The following CELSR1 variants were observed in gnomAD, a reference collection of about 807,000 sequenced individuals.
The protein encoded by CELSR1 is adhesion G protein-coupled receptor C1.
CELSR1 carries 110 observed loss-of-function variants against 249.1 expected under a neutral mutation model. The observed-to-expected ratio is 0.44, with a 90% confidence interval of 0.38 to 0.52. The LOEUF is 0.52. CELSR1 is among the 20% of genes least tolerant of loss of function. The probability of loss-of-function intolerance (pLI) is 0.00; values close to 1 mark genes in which losing one functional copy is unlikely to be tolerated. For missense variants in CELSR1, 4,109 were observed against 4,296.4 expected (o/e 0.96, Z 1.22); for synonymous variants, 2,113 against 1,900.0 (o/e 1.11, Z -2.92).
intron 31 of CELSR1, 46 bp from the exon 32 acceptor site, chr22:46,365,426 G>A (rs1261638293): frequency 1.2e-6 from 2 of 1,603,902 alleles, no homozygotes; most frequent in African/African-American, 1.3e-5. Flanking sequence ...TGGGAGGTGA[G>A]GGAGTCCCAC....
At position 46,409,505 on chromosome 22, in the gene CELSR1, G is replaced by A. The variant is rs955221572; in HGVS notation, c.5059+250C>T. Among the ~76,000 whole-genome samples, 4 of 152,274 alleles carry A rather than the reference G, an allele frequency of 2.6e-5. No homozygotes were observed. Among genetic ancestry groups the A allele is most frequent in the Non-Finnish European group, 5.9e-5 (4 of 68,006 alleles). ...CTCCGTGGCTGGGGTGCTGGGGCTG[G>A]GCTCTGCCGGCCCAGCCTACCTGTC... On this transcript the variant is annotated intron_variant, in intron 8 of 34. Coordinates refer to ENST00000674500, the MANE Select transcript of CELSR1 (RefSeq NM_001378328.1). The surrounding 1 kb of genome is among the most constrained non-coding windows in gnomAD (Gnocchi z 9.8).
At position 46,410,272 on chromosome 22, in the gene CELSR1, T is replaced by C; in HGVS notation, c.4933+126A>G. 1 of 1,229,180 alleles carries C rather than the reference T, an allele frequency of 8.1e-7. No individual in the cohort carries two copies. The allele number at this position is 1,229,180 out of a possible 1,614,324, so 76.1% of individuals were successfully genotyped here. A position where few individuals can be genotyped will look rare whatever the true frequency, so the allele number is the denominator to read the frequency against. On this transcript the variant is annotated intron_variant, in intron 7 of 34. Transcript: ENST00000674500. The surrounding 1 kb of genome is among the most constrained non-coding windows in gnomAD (Gnocchi z 6.8). ...TTCCATCCCAGGAGCTGCCCACCGC[T>C]GGACACATACATTTCTAAGAAAAAC...
intron 1 of CELSR1, among the ~76,000 whole-genome samples, chr22:46,513,790 TTTG>T (rs373002421): frequency 1.3e-5 from 2 of 152,028 alleles, no homozygotes; most frequent in Non-Finnish European, 2.9e-5. Flanking sequence ...ATTAATACTT[TTTG>T]TTGTTGTTGT....
At chr22:46,365,549 C>A (rs2078759573) in intron 31 of CELSR1, 37 bp downstream of exon 31, 3 of 1,556,144 alleles carry the variant, frequency 1.9e-6, no homozygotes, top group African/African-American at 1.4e-5. Context: ...GTGGGAAAAA[C>A]AACCCACGGG....
At chr22:46,463,170 A>T (rs2080051729) in intron 2 of CELSR1, among the ~76,000 whole-genome samples, 1 of 152,210 alleles carries the variant, frequency 6.6e-6, no homozygotes, top group Admixed American at 6.5e-5. Flanking sequence ...TCGGGCAGGG[A>T]AAGTGAGTAA....
chr22:46,430,047 G>A lies in CELSR1; in HGVS notation c.4611+3346C>T, dbSNP rs2079576291. On this transcript the variant is annotated intron_variant, in intron 5 of 34. Transcript: ENST00000674500. This position sits in a 1 kb window ranked among gnomAD's most constrained non-coding sequence, Gnocchi z 4.6. ...CCCAGGCCCTGTACACTGGTGGGTG[G>A]GGGAAGGGTCCCCGCAGGTTGCACG... is the stretch of plus-strand genomic sequence containing the variant. 6.6e-6 allele frequency among the ~76,000 whole-genome samples: 1 copy of A among 152,210 alleles called. No homozygotes were observed. The highest frequency in any genetic ancestry group is 1.5e-5 in the Non-Finnish European group (1 of 68,036).
Position 46,532,332 on chromosome 22 carries a change from T to G in CELSR1, c.3544+1295A>C, listed in dbSNP as rs566598435. Reference sequence around the variant, plus strand: ...CCTTAAGGGCCTATTCCATATTCTCTACACGTTTACAATCTCACAAACCTA... The same window carrying G: ...CCTTAAGGGCCTATTCCATATTCTCGACACGTTTACAATCTCACAAACCTA... On this transcript the variant is annotated intron_variant, in intron 1 of 34. Transcript: ENST00000674500. Among the ~76,000 whole-genome samples, 76 of 152,374 alleles carry G rather than the reference T, an allele frequency of 5.0e-4. No homozygotes were observed. The South Asian group carries it at 0.011, about 23-fold the overall frequency.
Position 46,536,653 on chromosome 22 carries a change from A to G in CELSR1, c.518T>C (p.Leu173Pro). The G allele has an allele frequency of 1.7e-5, 20 of 1,163,748 alleles. No individual in the cohort carries two copies. The highest frequency in any genetic ancestry group is 4.9e-5 in the African/African-American group (3 of 61,386). The allele number at this position is 1,163,748 out of a possible 1,614,324, so 72.1% of individuals were successfully genotyped here. A position where few individuals can be genotyped will look rare whatever the true frequency, so the allele number is the denominator to read the frequency against. Residue 173 changes from leucine (L) to proline (P), a missense_variant, in exon 1 of 35, where the codon CTG becomes CCG. By Grantham distance (98) the Leu-to-Pro change is moderately conservative. This residue lies in a region of CELSR1 where 673 missense variants were observed against 636.8 expected (regional missense o/e 1.06). Transcript: ENST00000674500. ...CAGGCGGACCGAGCCGCCCGGCGGC[A>G]GGCAGATGGGACGGCCGGGACAGCG... ...RPRCPGRPIC[L>P]PPGGSVRLRL...
intron 19 of CELSR1, among the ~76,000 whole-genome samples, chr22:46,384,998 G>T (rs2079017610): frequency 6.6e-6 from 1 of 151,978 alleles, no homozygotes; most frequent in African/African-American, 2.4e-5. Flanking sequence ...CATCATGTCG[G>T]CCAGGCTGGT....
intron 1 of CELSR1, among the ~76,000 whole-genome samples, chr22:46,480,458 C>G (rs1327994328): frequency 6.6e-6 from 1 of 152,178 alleles, no homozygotes; most frequent in Admixed American, 6.5e-5. Flanking sequence ...CCTCCCAATT[C>G]CACATCTTAA....
At chr22:46,457,059 C>G (rs544273102) in intron 2 of CELSR1, among the ~76,000 whole-genome samples, 69 of 152,324 alleles carry the variant, frequency 4.5e-4, no homozygotes, top group African/African-American at 1.6e-3. Context: ...GCACCCGACA[C>G]TCCCGAAGTC....
chr22:46,371,667 C>T (rs1332050097), intron 25 of CELSR1, among the ~76,000 whole-genome samples: 1 of 151,572 alleles, frequency 6.6e-6, no homozygotes, highest in Non-Finnish European at 1.5e-5. Flanking sequence ...ATCTCTCCAT[C>T]CCTCCAACCA....
At chr22:46,487,154 G>A (rs921706219) in intron 1 of CELSR1, among the ~76,000 whole-genome samples, 4 of 152,038 alleles carry the variant, frequency 2.6e-5, no homozygotes, top group African/African-American at 4.8e-5. Context: ...AAGAGCTGAC[G>A]CTAATATCAC....
chr22:46,373,628 C>G (rs1222133866), intron 24 of CELSR1, among the ~76,000 whole-genome samples: 1 of 133,250 alleles, frequency 7.5e-6, no homozygotes, highest in Non-Finnish European at 1.5e-5. Context: ...TCCCGGGAGG[C>G]TGAACCAGCC....
chr22:46,506,792 C>T lies in CELSR1; in HGVS notation c.3544+26835G>A, dbSNP rs77480189. Among the ~76,000 whole-genome samples the T allele has an allele frequency of 1.4e-3, 210 of 152,286 alleles. 1 individual carries two copies. Among genetic ancestry groups the T allele is most frequent in the African/African-American group, 4.8e-3 (201 of 41,564 alleles). On this transcript the variant is annotated intron_variant, in intron 1 of 34. Transcript: ENST00000674500. This position sits in a 1 kb window ranked among gnomAD's most constrained non-coding sequence, Gnocchi z 4.1. The stretch of plus-strand genomic sequence containing the variant: ...TGCTGAGATCTCTCCGGAAAGATGC[C>T]CGATAACAGGAAGCTGAGGCCAAGC...
At chr22:46,504,470 C>T (rs200991158) in intron 1 of CELSR1, among the ~76,000 whole-genome samples, 2 of 143,604 alleles carry the variant, frequency 1.4e-5, no homozygotes, top group East Asian at 4.2e-4. Flanking sequence ...GCTGAGATTG[C>T]GCCACTGCAT....
intron 1 of CELSR1, among the ~76,000 whole-genome samples, chr22:46,496,200 CAAAA>C (rs3081584): frequency 0.016 from 2,316 of 144,140 alleles, 80 homozygotes; most frequent in African/African-American, 0.053. Context: ...GACTTTGTCT[CAAAA>C]AAAAAAAAAA....
rs7284664 is a variant in CELSR1, at chr22:46,411,801, A to G, written c.4612-42T>C. On this transcript the variant is annotated intron_variant, in intron 5 of 34. Transcript: ENST00000674500. This position sits in a 1 kb window ranked among gnomAD's most constrained non-coding sequence, Gnocchi z 4.2. The stretch of plus-strand genomic sequence containing the variant: ...CACAGAAGGTGTCAGCGTTTTCTCC[A>G]CCAGTGCCCTCAGCAGGCGCACCTG... 187,947 of 1,610,866 alleles carry G rather than the reference A, an allele frequency of 0.12. 21,259 individuals carry two copies. Among genetic ancestry groups the G allele is most frequent in the African/African-American group, 0.61 (45,391 of 74,970 alleles).
chr22:46,515,755 C>T (rs529987588), intron 1 of CELSR1, among the ~76,000 whole-genome samples: 1 of 152,310 alleles, frequency 6.6e-6, no homozygotes, highest in Non-Finnish European at 1.5e-5. Flanking sequence ...TCCCAGCAGC[C>T]AGTGTAGGAA....
Sources: gnomAD v4.1 joint callset for allele counts (sites outside exome capture counted in the v4.1 genomes callset) on GRCh38, gnomAD v4.1.1 for gene constraint, gnomAD v4.1.1 regional missense constraint, Gnocchi (gnomAD v3.1) non-coding constraint, MANE v1.5 for transcripts, NCBI Gene and HGNC (gene_info 2026-07-23, HGNC 2026-07-21) for gene names.